The following PLEKHA1 variants were observed in gnomAD, a reference collection of about 807,000 sequenced individuals.
PLEKHA1 encodes the protein pleckstrin homology domain-containing family A member 1.
A neutral mutation model predicts 52.0 loss-of-function variants in PLEKHA1; 34 were observed. The ratio of observed to expected loss-of-function variants is 0.65; its 90% CI spans 0.50 to 0.87. The LOEUF is 0.87. PLEKHA1 is among the 40% of genes least tolerant of loss of function. PLEKHA1 has a pLI of 0.00. For synonymous variants in PLEKHA1, 163 were observed against 170.7 expected, an observed-to-expected ratio of 0.95 and a Z score of 0.35; for missense variants, 497 against 504.2, an observed-to-expected ratio of 0.99 and a Z score of 0.14.
chr10:122,407,569 A>G (rs1262657609), intron 5 of PLEKHA1, among the ~76,000 whole-genome samples: 3 of 152,142 alleles, frequency 2.0e-5, no homozygotes, highest in Non-Finnish European at 2.9e-5. Context: ...TTTTGTTCCT[A>G]AAGCCAACAA....
At position 122,429,689 on chromosome 10, in the gene PLEKHA1, C is replaced by T; in HGVS notation, c.966C>T (p.Thr322=). 6.2e-7 allele frequency: 1 copy of T among 1,614,130 alleles called. No homozygotes were observed. Among genetic ancestry groups the T allele is most frequent in the Non-Finnish European group, 8.5e-7 (1 of 1,180,028 alleles). Residue 322 remains threonine, a synonymous_variant, in exon 12 of 12, where the codon ACC becomes ACT. Transcript: ENST00000368990. ...AFRPTNAATA[T]SHSTASRSNS... is the part of the protein sequence containing the mutation. ...GTCCTACCAACGCAGCCACCGCCACCTCACATTCCACAGCCTCTCGCAGCA... is the reference window on the plus strand; with the variant it reads ...GTCCTACCAACGCAGCCACCGCCACTTCACATTCCACAGCCTCTCGCAGCA...
intron 7 of PLEKHA1, 92 bp from the exon 8 acceptor site, chr10:122,417,808 T>G: frequency 1.1e-6 from 1 of 901,382 alleles, no homozygotes; most frequent in Non-Finnish European, 1.8e-6. Context: ...TTGGCATGTC[T>G]GATTGTGGGT....
chr10:122,404,610 A>G (rs2134386715), intron 4 of PLEKHA1, among the ~76,000 whole-genome samples: 1 of 152,334 alleles, frequency 6.6e-6, no homozygotes, highest in African/African-American at 2.4e-5. Context: ...AAAACAAGTT[A>G]TTTATTGATA....
chr10:122,405,777 G>A (rs1003309439), intron 4 of PLEKHA1, among the ~76,000 whole-genome samples: 6 of 152,128 alleles, frequency 3.9e-5, no homozygotes, highest in Non-Finnish European at 8.8e-5. Context: ...TGGAGTAGAA[G>A]CCACCATGGA....
chr10:122,404,229 C>G (rs1285689060), intron 4 of PLEKHA1, among the ~76,000 whole-genome samples: 2 of 151,992 alleles, frequency 1.3e-5, no homozygotes, highest in Non-Finnish European at 2.9e-5. Context: ...TGGATTGATT[C>G]CAGACTGATT....
At chr10:122,386,049 A>C (rs918625782) in intron 1 of PLEKHA1, among the ~76,000 whole-genome samples, 3 of 152,192 alleles carry the variant, frequency 2.0e-5, no homozygotes, top group Non-Finnish European at 2.9e-5. Flanking sequence ...TTAACTGTAA[A>C]AACTGCCAAA....
chr10:122,396,598 CTT>C (rs2096852429), intron 2 of PLEKHA1, among the ~76,000 whole-genome samples: 1 of 152,010 alleles, frequency 6.6e-6, no homozygotes, highest in African/African-American at 2.4e-5. Context: ...ACTCTTAAGT[CTT>C]TGAAATGTCT....
intron 11 of PLEKHA1, 39 bp downstream of exon 11, chr10:122,427,070 C>A: frequency 6.6e-7 from 1 of 1,526,450 alleles, no homozygotes; most frequent in Non-Finnish European, 9.0e-7. Context: ...TCCCTTGCGT[C>A]TCCCCCATCC....
At chr10:122,409,364 G>C (rs1381282839) in intron 5 of PLEKHA1, among the ~76,000 whole-genome samples, 1 of 152,190 alleles carries the variant, frequency 6.6e-6, no homozygotes, top group Non-Finnish European at 1.5e-5. Flanking sequence ...AGCCCCGAAG[G>C]GGGAGTATCA....
intron 8 of PLEKHA1, chr10:122,422,509 T>C (rs1170383642): frequency 1.3e-5 from 2 of 152,180 alleles, no homozygotes; most frequent in Non-Finnish European, 2.9e-5. Flanking sequence ...TGTGGCTTCC[T>C]GTCAAAAGTG....
rs2097348258 is a variant in PLEKHA1 at position 122,426,993 on chromosome 10, A to G, written c.862A>G (p.Ile288Val). 12 of 1,613,964 alleles carry G rather than the reference A, an allele frequency of 7.4e-6. No individual in the cohort carries two copies. The highest frequency in any genetic ancestry group is 1.0e-5 in the Non-Finnish European group (12 of 1,179,990). ...HSWIKAVSGA[I>V]VAQRGPGRSA... is the part of the protein sequence containing the mutation. Reference sequence around the variant, plus strand: ...TTGGATTAAAGCAGTCTCTGGCGCCATTGTAGCACAGCGGGGTCCCGGCAG... The same window carrying G: ...TTGGATTAAAGCAGTCTCTGGCGCCGTTGTAGCACAGCGGGGTCCCGGCAG... Residue 288 changes from isoleucine to valine, a missense_variant, in exon 11 of 12, where the codon ATT becomes GTT. Physicochemically the swap from Ile to Val is conservative, Grantham distance 29. Coordinates refer to ENST00000368990, the MANE Select transcript of PLEKHA1 (RefSeq NM_001001974.4).
In PLEKHA1 at chr10:122,424,956, G is replaced by A. The variant is rs764907044; in HGVS notation, c.807G>A (p.Val269=). The change falls in exon 10 of 12, where the codon GTG becomes GTA. Residue 269 remains valine (V), a synonymous_variant. Transcript: ENST00000368990. ...EIVTTSRTFY[V]QADSPEEMHS... Reference sequence around the variant, plus strand: ...TAACAACGTCTCGAACTTTCTATGTGCAGGTAAGATGCTTATTTGGCAATT... The same window carrying A: ...TAACAACGTCTCGAACTTTCTATGTACAGGTAAGATGCTTATTTGGCAATT... 1 of 1,605,600 alleles carries A rather than the reference G, an allele frequency of 6.2e-7. No individual in the cohort carries two copies. Among genetic ancestry groups the A allele is most frequent in the Non-Finnish European group, 8.5e-7 (1 of 1,175,472 alleles).
At chr10:122,439,687 G>A in the PLEKHA1 span, 1 of 152,250 alleles carries the variant, frequency 6.6e-6, no homozygotes, top group Non-Finnish European at 1.5e-5. Flanking sequence ...GTTGCAGTAA[G>A]CTGAGATGGT....
chr10:122,406,422 G>A (rs2097016329), intron 4 of PLEKHA1, among the ~76,000 whole-genome samples, 154 bp from the exon 5 acceptor site: 1 of 152,150 alleles, frequency 6.6e-6, no homozygotes, highest in Non-Finnish European at 1.5e-5. Context: ...CTGTGTTATT[G>A]TGTGATAAAA....
At chr10:122,434,062 A>T (rs1299738592), downstream of PLEKHA1, 1 of 152,126 alleles carries the variant, frequency 6.6e-6, no homozygotes, top group Non-Finnish European at 1.5e-5. Context: ...TTTCAGTCAT[A>T]CTTGTCCAGG....
intron 1 of PLEKHA1, among the ~76,000 whole-genome samples, chr10:122,388,174 C>A (rs1020204666): frequency 2.0e-5 from 3 of 152,204 alleles, no homozygotes; most frequent in Non-Finnish European, 4.4e-5. Flanking sequence ...TTCCCACTCT[C>A]TTCAGCCTCT....
intron 1 of PLEKHA1, among the ~76,000 whole-genome samples, chr10:122,388,240 T>C (rs894345096): frequency 1.1e-4 from 17 of 152,262 alleles, no homozygotes; most frequent in African/African-American, 3.6e-4. Flanking sequence ...GGATCTTTCA[T>C]ATAAATAGAA....
chr10:122,417,039 G>A (rs1186619479), intron 7 of PLEKHA1: 1 of 153,288 alleles, frequency 6.5e-6, no homozygotes, highest in Non-Finnish European at 1.5e-5. Flanking sequence ...CACAACTGAG[G>A]ATCATAGCCT....
intron 5 of PLEKHA1, among the ~76,000 whole-genome samples, chr10:122,410,236 A>G (rs1262897662): frequency 6.6e-6 from 1 of 151,970 alleles, no homozygotes; most frequent in Non-Finnish European, 1.5e-5. Context: ...TTCTTTTCCT[A>G]CTATTAGAAT....
Sources: allele counts gnomAD v4.1 joint callset (sites outside exome capture counted in the v4.1 genomes callset), GRCh38; gene constraint gnomAD v4.1.1; transcripts MANE v1.5; gene names NCBI Gene and HGNC (gene_info 2026-07-23, HGNC 2026-07-21).